Variants in TESC observed in about 807,000 individuals in gnomAD.
TESC encodes the protein tescalcin, also known as calcineurin B homologous protein 3.
TESC carries 19 observed loss-of-function variants against 31.0 expected under a neutral mutation model. The ratio of observed to expected loss-of-function variants is 0.61; its 90% CI spans 0.43 to 0.90. TESC has a LOEUF of 0.90. Ranked by LOEUF, TESC falls within the 40% of genes least tolerant of loss-of-function variation. The pLI, the probability that TESC is intolerant of heterozygous loss-of-function variation, is 0.00. For missense variants in TESC, 248 were observed against 303.8 expected, an observed-to-expected ratio of 0.82 and a Z score of 1.36; for synonymous variants, 109 against 114.8, an observed-to-expected ratio of 0.95 and a Z score of 0.32.
At chr12:117,047,636 C>G (rs1954587255) in intron 4 of TESC, among the ~76,000 whole-genome samples, 1 of 152,096 alleles carries the variant, frequency 6.6e-6, no homozygotes, top group South Asian at 2.1e-4. Context: ...GTTGGCCAGG[C>G]TGGTCTCAAA....
chr12:117,050,836 G>A (rs1954638548), intron 3 of TESC, among the ~76,000 whole-genome samples: 1 of 152,106 alleles, frequency 6.6e-6, no homozygotes, highest in Non-Finnish European at 1.5e-5. Flanking sequence ...GAGGTGGGAG[G>A]ATCACTTGAG....
In TESC at chr12:117,080,667, C is replaced by T. The variant is rs539131238; in HGVS notation, c.59-5327G>A. The stretch of plus-strand genomic sequence containing the variant: ...AGGATGATTTCCGAAGCCTCAGGAA[C>T]TGACTTTCAGAACACCCCAGGCCCT... On this transcript the variant is annotated intron_variant, in intron 1 of 7. Coordinates refer to ENST00000335209, the MANE Select transcript of TESC (RefSeq NM_017899.4). Among the ~76,000 whole-genome samples, 3 of 152,334 alleles carry T rather than the reference C, an allele frequency of 2.0e-5. No homozygotes were observed. The South Asian group carries it at 6.2e-4, about 32-fold the overall frequency.
intron 1 of TESC, among the ~76,000 whole-genome samples, chr12:117,075,873 GTGTATATATATATATATATATA>G (rs1482523404): frequency 1.4e-4 from 3 of 22,220 alleles, no homozygotes; most frequent in African/African-American, 5.0e-4. Context: ...ATATATATGT[GTGTATATATATATATATATATA>G]TATATATATA....
chr12:117,094,085 C>G (rs916095375), intron 1 of TESC, among the ~76,000 whole-genome samples: 3 of 152,184 alleles, frequency 2.0e-5, no homozygotes, highest in Non-Finnish European at 4.4e-5. Flanking sequence ...GCTGTCACCA[C>G]GGGTGCGTGG....
At chr12:117,089,991 T>C (rs1955284195) in intron 1 of TESC, among the ~76,000 whole-genome samples, 2 of 152,048 alleles carry the variant, frequency 1.3e-5, no homozygotes, top group Admixed American at 1.3e-4. Flanking sequence ...CAAAGAAATG[T>C]CGATTAGACT....
chr12:117,092,717 G>T (rs1955330004), intron 1 of TESC, among the ~76,000 whole-genome samples: 1 of 152,212 alleles, frequency 6.6e-6, no homozygotes, highest in Non-Finnish European at 1.5e-5. Context: ...GATCACTTGA[G>T]CCTTGGAGTT....
intron 2 of TESC, among the ~76,000 whole-genome samples, chr12:117,063,172 G>A (rs535666465): frequency 7.2e-5 from 11 of 152,244 alleles, no homozygotes; most frequent in African/African-American, 2.4e-4. Flanking sequence ...GGCCCAGAGA[G>A]GCAAAGAGAC....
intron 2 of TESC, among the ~76,000 whole-genome samples, chr12:117,073,605 G>A (rs1487698061): frequency 6.6e-6 from 1 of 152,184 alleles, no homozygotes; most frequent in African/African-American, 2.4e-5. Context: ...TTACCAAGAA[G>A]GAAGTTTCCC....
intron 2 of TESC, 60 bp downstream of exon 2, chr12:117,075,211 G>A (rs1593014400): frequency 6.5e-7 from 1 of 1,543,666 alleles, no homozygotes; most frequent in Non-Finnish European, 8.9e-7. Flanking sequence ...AAAAGAAACA[G>A]GACAAGAAAT....
intron 1 of TESC, among the ~76,000 whole-genome samples, chr12:117,078,028 A>T (rs1006704864): frequency 2.0e-5 from 3 of 152,240 alleles, no homozygotes; most frequent in Admixed American, 6.5e-5. Flanking sequence ...ATGAATAAAA[A>T]TTTTTTAAAA....
intron 2 of TESC, among the ~76,000 whole-genome samples, chr12:117,058,987 C>T (rs1424907260): frequency 6.6e-6 from 1 of 152,176 alleles, no homozygotes; most frequent in Non-Finnish European, 1.5e-5. Flanking sequence ...TGGGCCTCCA[C>T]GGGCAGTGTC....
At chr12:117,039,656 G>A (rs1954453142) in intron 7 of TESC, among the ~76,000 whole-genome samples, 1 of 152,204 alleles carries the variant, frequency 6.6e-6, no homozygotes, top group Non-Finnish European at 1.5e-5. Context: ...ACTGTTAGGG[G>A]CTGTGCGGTC....
At chr12:117,052,163 G>C (rs1030942991) in intron 3 of TESC, among the ~76,000 whole-genome samples, 1 of 152,078 alleles carries the variant, frequency 6.6e-6, no homozygotes, top group Non-Finnish European at 1.5e-5. Context: ...CCCAGCATGA[G>C]GGCAGGCCAT....
At chr12:117,056,765 AG>A (rs1199990996) in intron 3 of TESC, 40 bp downstream of exon 3, 1 of 1,590,926 alleles carries the variant, frequency 6.3e-7, no homozygotes, top group Non-Finnish European at 8.6e-7. Flanking sequence ...ACACAAGACA[AG>A]GGTGCCTGCC....
In TESC at chr12:117,038,968, C is replaced by T. The variant is rs1954439858; in HGVS notation, c.*165G>A. ...TTTTTTTTATTGGAGATAAAAACAG[C>T]GAAGTCCCACATACCATACCCTACA... On this transcript the variant is annotated 3_prime_UTR_variant, in exon 8 of 8. Coordinates refer to ENST00000335209, the MANE Select transcript of TESC (RefSeq NM_017899.4). The T allele has an allele frequency of 5.3e-6, 3 of 563,378 alleles. No homozygotes were observed. Among genetic ancestry groups the T allele is most frequent in the African/African-American group, 3.8e-5 (2 of 52,562 alleles). 34.9% of individuals were successfully genotyped at this position (563,378 alleles called of 1,614,324 possible).
chr12:117,093,951 C>T (rs1222112053), intron 1 of TESC, among the ~76,000 whole-genome samples: 1 of 151,902 alleles, frequency 6.6e-6, no homozygotes, highest in African/African-American at 2.4e-5. Context: ...ATGGGGGGGA[C>T]AGGAAGTGGG....
At chr12:117,091,782 C>G (rs1486798556) in intron 1 of TESC, among the ~76,000 whole-genome samples, 1 of 152,142 alleles carries the variant, frequency 6.6e-6, no homozygotes, top group African/African-American at 2.4e-5. Context: ...TCACCCAGAA[C>G]CAATCCTATC....
intron 1 of TESC, among the ~76,000 whole-genome samples, chr12:117,076,164 A>T (rs1955072257): frequency 6.7e-6 from 1 of 149,836 alleles, no homozygotes. Context: ...TCCACTCCAG[A>T]AGATGAGTTT....
chr12:117,047,375 C>G (rs1954584016), intron 4 of TESC, among the ~76,000 whole-genome samples: 1 of 151,776 alleles, frequency 6.6e-6, no homozygotes, highest in African/African-American at 2.4e-5. Context: ...CCCAGCACGG[C>G]CTTGGGAGCT....
Sources: allele counts gnomAD v4.1 joint callset (sites outside exome capture counted in the v4.1 genomes callset), GRCh38; gene constraint gnomAD v4.1.1; transcripts MANE v1.5; gene names NCBI Gene and HGNC (gene_info 2026-07-23, HGNC 2026-07-21).